Variants in KAZN observed in about 807,000 individuals in gnomAD.
KAZN encodes the protein kazrin, periplakin interacting protein, also known as kazrin.
KAZN carries 40 observed loss-of-function variants against 87.4 expected under a neutral mutation model. That is an observed-to-expected ratio of 0.46 (90% CI 0.36 to 0.60). KAZN has a LOEUF of 0.60. Among genes scored for constraint, KAZN ranks in the 20% least tolerant of loss-of-function variants. The pLI, the probability that KAZN is intolerant of heterozygous loss-of-function variation, is 0.00. For synonymous variants in KAZN, 466 were observed against 458.3 expected, an observed-to-expected ratio of 1.02 and a Z score of -0.22; for missense variants, 898 against 1,073.9, an observed-to-expected ratio of 0.84 and a Z score of 2.29.
chr1:13,941,280 G>T (rs1035066011), intron 1 of KAZN, among the ~76,000 whole-genome samples: 5 of 151,636 alleles, frequency 3.3e-5, no homozygotes, highest in African/African-American at 1.2e-4. Flanking sequence ...GGAAATATTG[G>T]TCTCTTTCAT....
intron 2 of KAZN, among the ~76,000 whole-genome samples, chr1:15,003,716 C>G (rs1668730801): frequency 1.3e-5 from 2 of 152,244 alleles, no homozygotes; most frequent in African/African-American, 2.4e-5. Context: ...GGGTCATCAG[C>G]TTACCCATTC....
chr1:14,642,077 A>G (rs1316540347), intron 1 of KAZN, among the ~76,000 whole-genome samples: 1 of 152,224 alleles, frequency 6.6e-6, no homozygotes, highest in Non-Finnish European at 1.5e-5. Flanking sequence ...GATGCCCAAC[A>G]TCATTAGCTA....
At chr1:14,535,765 C>T (rs376007949) in intron 2 of KAZN, among the ~76,000 whole-genome samples, 173 of 152,362 alleles carry the variant, frequency 1.1e-3, no homozygotes, top group Admixed American at 2.4e-3. Flanking sequence ...CCCTGTTCCA[C>T]ATGTCTGAAA....
At chr1:13,928,698 C>A (rs1640378220) in intron 1 of KAZN, among the ~76,000 whole-genome samples, 1 of 152,172 alleles carries the variant, frequency 6.6e-6, no homozygotes, top group Non-Finnish European at 1.5e-5. Flanking sequence ...TGGTCAGAAG[C>A]ATACATGGGC....
At chr1:14,884,523 T>C (rs1653831377) in intron 1 of KAZN, among the ~76,000 whole-genome samples, 1 of 152,238 alleles carries the variant, frequency 6.6e-6, no homozygotes, top group African/African-American at 2.4e-5. Flanking sequence ...TTGGTGTGAA[T>C]ATATGTACTC....
chr1:14,553,760 A>G (rs955047765), intron 2 of KAZN, among the ~76,000 whole-genome samples: 2 of 151,980 alleles, frequency 1.3e-5, no homozygotes, highest in African/African-American at 4.8e-5. Context: ...CCTCCCAACC[A>G]CCGGGTGGTT....
chr1:14,507,528 A>C (rs1010578688), intron 2 of KAZN, among the ~76,000 whole-genome samples: 4 of 152,230 alleles, frequency 2.6e-5, no homozygotes, highest in Non-Finnish European at 4.4e-5. Context: ...TAGTCAGTGC[A>C]TCCGCCAGGG....
At chr1:14,472,787 A>G (rs9429233) in intron 2 of KAZN, among the ~76,000 whole-genome samples, 16,605 of 152,056 alleles carry the variant, frequency 0.11, 1,234 homozygotes, top group East Asian at 0.31. Context: ...CCTTATTCTC[A>G]GTAAATTTGT....
chr1:14,596,942 A>G (rs1248117965), upstream of KAZN, among the ~76,000 whole-genome samples: 5 of 152,204 alleles, frequency 3.3e-5, no homozygotes, highest in East Asian at 9.6e-4. Context: ...TTTTGGACAT[A>G]TACCTAGGAG....
intron 1 of KAZN, among the ~76,000 whole-genome samples, chr1:14,778,707 C>T (rs1221845548): frequency 1.3e-5 from 2 of 152,082 alleles, no homozygotes; most frequent in Non-Finnish European, 2.9e-5. Flanking sequence ...CGTAACAACC[C>T]CCAGTATTTT....
intron 1 of KAZN, among the ~76,000 whole-genome samples, chr1:14,170,066 C>T (rs1452463987): frequency 6.6e-6 from 1 of 152,162 alleles, no homozygotes; most frequent in African/African-American, 2.4e-5. Context: ...CCACATTGAT[C>T]CTCCAAGGTG....
intron 1 of KAZN, among the ~76,000 whole-genome samples, chr1:14,907,708 G>A (rs557317401): frequency 6.6e-6 from 1 of 152,304 alleles, no homozygotes; most frequent in Admixed American, 6.5e-5. Flanking sequence ...AGATGGAAAG[G>A]AGAATATTCC....
intron 2 of KAZN, among the ~76,000 whole-genome samples, chr1:14,568,882 T>C (rs961060914): frequency 1.3e-5 from 2 of 152,216 alleles, no homozygotes; most frequent in African/African-American, 4.8e-5. Flanking sequence ...TTCCGATCCA[T>C]TCAGCCACAA....
chr1:14,520,978 C>G (rs1671556850), intron 2 of KAZN, among the ~76,000 whole-genome samples: 1 of 152,126 alleles, frequency 6.6e-6, no homozygotes, highest in African/African-American at 2.4e-5. Flanking sequence ...GAGGCCAGAG[C>G]AGGGAGAGGC....
intron 1 of KAZN, among the ~76,000 whole-genome samples, chr1:14,145,496 C>A (rs1397763815): frequency 6.6e-6 from 1 of 152,054 alleles, no homozygotes; most frequent in African/African-American, 2.4e-5. Context: ...TATTCTTTGA[C>A]TTTATTTTTA....
At chr1:14,752,336 C>T (rs1458977889) in intron 1 of KAZN, among the ~76,000 whole-genome samples, 2 of 152,214 alleles carry the variant, frequency 1.3e-5, no homozygotes, top group African/African-American at 4.8e-5. Flanking sequence ...ATGCCGTTCT[C>T]TCCTTCTGCG....
chr1:14,155,212 T>C (rs1645566314), intron 1 of KAZN, among the ~76,000 whole-genome samples: 1 of 143,460 alleles, frequency 7.0e-6, no homozygotes, highest in African/African-American at 2.7e-5. Context: ...ATCTCATTAC[T>C]TGTTATTGGT....
At chr1:14,665,436 A>G (rs10927492) in intron 1 of KAZN, among the ~76,000 whole-genome samples, 30,924 of 151,922 alleles carry the variant, frequency 0.2, 3,264 homozygotes, top group South Asian at 0.28. Flanking sequence ...AAGTCATGCA[A>G]TGGTTTCAGT....
Position 15,016,777 on chromosome 1 carries a change from C to G in KAZN, c.419-17972C>G, listed in dbSNP as rs939813737. Among the ~76,000 whole-genome samples, 8 of 152,190 alleles carry G rather than the reference C, an allele frequency of 5.3e-5. 1 individual carries two copies. Among genetic ancestry groups the G allele is most frequent in the Non-Finnish European group, 1.2e-4 (8 of 68,050 alleles). On this transcript the variant is annotated intron_variant, in intron 2 of 14. Coordinates refer to ENST00000376030, the MANE Select transcript of KAZN (RefSeq NM_201628.3). ...TCAGGGCCTTTGCACTTGCCCTTCC[C>G]TCTGCCGGAACATTCTTCCTCTCGG...
Sources: gnomAD v4.1 joint callset for allele counts (sites outside exome capture counted in the v4.1 genomes callset) on GRCh38, gnomAD v4.1.1 for gene constraint, MANE v1.5 for transcripts, NCBI Gene and HGNC (gene_info 2026-07-23, HGNC 2026-07-21) for gene names.